Variants in FBXL7 observed in about 807,000 individuals in gnomAD.
FBXL7 encodes F-box and leucine rich repeat protein 7, also known as F-box/LRR-repeat protein 7.
Under a neutral mutation model 38.3 loss-of-function variants are expected in FBXL7, and 12 were observed. The ratio of observed to expected loss-of-function variants is 0.31; its 90% CI spans 0.20 to 0.51. The LOEUF is 0.51. Ranked by LOEUF, FBXL7 falls within the 20% of genes least tolerant of loss-of-function variation. FBXL7 has a pLI of 0.98. For missense variants in FBXL7, 567 were observed against 676.4 expected (o/e 0.84, Z 1.79); for synonymous variants, 297 against 300.9 (o/e 0.99, Z 0.13).
intron 2 of FBXL7, among the ~76,000 whole-genome samples, chr5:15,619,605 G>T (rs572880059): frequency 1.3e-5 from 2 of 152,292 alleles, no homozygotes; most frequent in Non-Finnish European, 2.9e-5. Flanking sequence ...AGCTTCTCAT[G>T]ATTTTTTCAC....
chr5:15,544,058 T>G (rs909113838), intron 1 of FBXL7, among the ~76,000 whole-genome samples: 1 of 152,134 alleles, frequency 6.6e-6, no homozygotes, highest in Non-Finnish European at 1.5e-5. Context: ...TTAATTTGCA[T>G]GTAATTAAAA....
chr5:15,695,046 A>G (rs980739612), intron 2 of FBXL7, among the ~76,000 whole-genome samples: 2 of 152,168 alleles, frequency 1.3e-5, no homozygotes, highest in African/African-American at 4.8e-5. Context: ...AAAAACAGAT[A>G]TTGCTGCCTG....
intron 1 of FBXL7, among the ~76,000 whole-genome samples, chr5:15,598,927 A>G (rs1739707771): frequency 6.6e-6 from 1 of 152,130 alleles, no homozygotes; most frequent in Admixed American, 6.5e-5. Context: ...TGGATTCAGA[A>G]TTGAGGGCAA....
chr5:15,613,239 C>A (rs1246468643), intron 1 of FBXL7, among the ~76,000 whole-genome samples: 1 of 152,018 alleles, frequency 6.6e-6, no homozygotes, highest in African/African-American at 2.4e-5. Flanking sequence ...CAGAAATTTC[C>A]CCTACCAGAT....
At chr5:15,598,368 A>T (rs915874069) in intron 1 of FBXL7, among the ~76,000 whole-genome samples, 1 of 152,240 alleles carries the variant, frequency 6.6e-6, no homozygotes, top group Admixed American at 6.5e-5. Context: ...AAATTAAAAA[A>T]TGCTCTTTTC....
chr5:15,882,684 A>T (rs1246568280), intron 2 of FBXL7, among the ~76,000 whole-genome samples: 1 of 152,216 alleles, frequency 6.6e-6, no homozygotes, highest in Non-Finnish European at 1.5e-5. Flanking sequence ...CCTTTAATGC[A>T]AGAAACCACA....
chr5:15,911,480 G>A (rs1278008081), intron 2 of FBXL7, among the ~76,000 whole-genome samples: 2 of 139,344 alleles, frequency 1.4e-5, no homozygotes, highest in African/African-American at 3.3e-5. Flanking sequence ...ATGTCCTCCC[G>A]TAGGTCAGAG....
intron 2 of FBXL7, among the ~76,000 whole-genome samples, chr5:15,746,195 G>A (rs1446061990): frequency 6.6e-6 from 1 of 152,144 alleles, no homozygotes; most frequent in Non-Finnish European, 1.5e-5. Flanking sequence ...TTAGAGAGGA[G>A]GAAGATTCAG....
chr5:15,816,470 T>A (rs1397842556), intron 2 of FBXL7, among the ~76,000 whole-genome samples: 2 of 151,804 alleles, frequency 1.3e-5, no homozygotes, highest in African/African-American at 2.4e-5. Context: ...AGTGGTATAA[T>A]GGACATTGAA....
rs5866158 is a variant in FBXL7, at chr5:15,704,967, TA to T, written c.127+88908del. ...ATTTAGATTGGTAACATGGGCTAGGTAAAAAAAAAAAAATTAAATATATATA... is the reference window on the plus strand; with the variant it reads ...ATTTAGATTGGTAACATGGGCTAGGTAAAAAAAAAAAATTAAATATATATA... On this transcript the variant is annotated intron_variant, in intron 2 of 3. Transcript: ENST00000504595. 3.2e-3 allele frequency among the ~76,000 whole-genome samples: 466 copies of T among 147,554 alleles called. 4 individuals are homozygous for T. The highest frequency in any genetic ancestry group is 9.9e-3 in the African/African-American group (399 of 40,288).
intron 2 of FBXL7, among the ~76,000 whole-genome samples, chr5:15,834,754 G>T (rs1296293325): frequency 6.6e-6 from 1 of 152,174 alleles, no homozygotes; most frequent in Non-Finnish European, 1.5e-5. Flanking sequence ...ATGCTTTCAT[G>T]CTCTCATTTC....
At chr5:15,643,928 C>T (rs1741446469) in intron 2 of FBXL7, among the ~76,000 whole-genome samples, 1 of 152,112 alleles carries the variant, frequency 6.6e-6, no homozygotes, top group African/African-American at 2.4e-5. Flanking sequence ...TCAGTGTTTT[C>T]CTCCTTTATA....
chr5:15,735,716 G>A (rs1227070450), intron 2 of FBXL7, among the ~76,000 whole-genome samples: 1 of 152,176 alleles, frequency 6.6e-6, no homozygotes, highest in Non-Finnish European at 1.5e-5. Flanking sequence ...GGAGAGAAGG[G>A]CTTAGAGCAG....
chr5:15,800,560 A>G (rs922368175), intron 2 of FBXL7, among the ~76,000 whole-genome samples: 1 of 152,244 alleles, frequency 6.6e-6, no homozygotes, highest in Non-Finnish European at 1.5e-5. Flanking sequence ...CACTTGATGT[A>G]AATTATTTCA....
intron 2 of FBXL7, among the ~76,000 whole-genome samples, chr5:15,685,662 C>T (rs1415542202): frequency 6.6e-6 from 1 of 152,146 alleles, no homozygotes; most frequent in Non-Finnish European, 1.5e-5. Flanking sequence ...CAGCTTTGCT[C>T]CTTACCATGT....
chr5:15,661,081 T>C (rs1742052465), intron 2 of FBXL7, among the ~76,000 whole-genome samples: 2 of 152,236 alleles, frequency 1.3e-5, no homozygotes. Context: ...AGACAGTCCA[T>C]GTAATTTTTC....
At chr5:15,927,787 A>AAAAT in intron 2 of FBXL7, 103 bp from the exon 3 acceptor site, 1 of 751,930 alleles carries the variant, frequency 1.3e-6, no homozygotes, top group Non-Finnish European at 1.8e-6. Flanking sequence ...AAAAAAAAAA[A>AAAAT]GAAGAAGAAA....
chr5:15,582,564 A>G (rs1739176470), intron 1 of FBXL7, among the ~76,000 whole-genome samples: 1 of 152,200 alleles, frequency 6.6e-6, no homozygotes, highest in Non-Finnish European at 1.5e-5. Flanking sequence ...CTTCCTCGAG[A>G]TGTCAGTGAC....
chr5:15,936,047 C>T lies in FBXL7; in HGVS notation c.740-403C>T, dbSNP rs528926946. Among the ~76,000 whole-genome samples, 1 of 152,302 alleles carries T rather than the reference C, an allele frequency of 6.6e-6. No individual in the cohort carries two copies. The highest frequency in any genetic ancestry group is 1.9e-4 in the East Asian group (1 of 5,162). ...ACTTTTACTGAGCTCCTGGAACTTT[C>T]CAGGGCCAAGGCAAGATATTTACAC... On this transcript the variant is annotated intron_variant, in intron 3 of 3. Transcript: ENST00000504595. This position sits in a 1 kb window ranked among gnomAD's most constrained non-coding sequence, Gnocchi z 6.0.
Sources: gnomAD v4.1 joint callset for allele counts (sites outside exome capture counted in the v4.1 genomes callset) on GRCh38, gnomAD v4.1.1 for gene constraint, Gnocchi (gnomAD v3.1) non-coding constraint, MANE v1.5 for transcripts, NCBI Gene and HGNC (gene_info 2026-07-23, HGNC 2026-07-21) for gene names.